CUZD1: variants seen among roughly 807,000 people sequenced by gnomAD.
CUZD1 encodes the protein CUB and zona pellucida like domains 1.
A neutral mutation model predicts 53.1 loss-of-function variants in CUZD1; 42 were observed. The observed-to-expected ratio is 0.79, with a 90% CI of 0.62 to 1.02. The LOEUF (loss-of-function observed/expected upper bound fraction) is 1.02. Ranked by LOEUF, CUZD1 falls within the 50% of genes least tolerant of loss-of-function variation. The pLI, the probability that CUZD1 is intolerant of heterozygous loss-of-function variation, is 0.00. For synonymous variants in CUZD1, 238 were observed against 257.2 expected (o/e 0.93, Z 0.71); for missense variants, 670 against 715.7 (o/e 0.94, Z 0.73).
At chr10:122,845,227 TCAC>T (rs1847417797) in intron 1 of CUZD1, among the ~76,000 whole-genome samples, 2 of 151,806 alleles carry the variant, frequency 1.3e-5, no homozygotes, top group African/African-American at 2.4e-5. Context: ...CAGGCACGCA[TCAC>T]CACACCTGGC....
At position 122,837,280 on chromosome 10, in the gene CUZD1, C is replaced by T. The variant is rs528035701; in HGVS notation, c.599+124G>A. On this transcript the variant is annotated intron_variant, in intron 4 of 8. Transcript: ENST00000392790. ...AATAGTATCACTGTTTTCCTTTCTA[C>T]ATCAATTCTTTGAAAAGTGCCCATA... is the stretch of plus-strand genomic sequence containing the variant. 88 of 1,040,630 alleles carry T rather than the reference C, an allele frequency of 8.5e-5. 1 individual carries two copies. In the South Asian group the frequency reaches 1.2e-3, roughly 14 times the overall value. The allele number at this position is 1,040,630 out of a possible 1,614,324, so 64.5% of individuals were successfully genotyped here. A position where few individuals can be genotyped will look rare whatever the true frequency, so the allele number is the denominator to read the frequency against.
intron 8 of CUZD1, 28 bp from the exon 9 acceptor site, chr10:122,832,478 C>T: frequency 6.2e-7 from 1 of 1,609,318 alleles, no homozygotes; most frequent in Non-Finnish European, 8.5e-7. Flanking sequence ...ATGAAAATCA[C>T]TTTTTAAGAA....
rs1344574065 is a variant in CUZD1, at chr10:122,841,309, G to T, written c.102C>A (p.Val34=). Residue 34 remains valine (V), a synonymous_variant, in exon 2 of 9, where the codon GTC becomes GTA. Coordinates refer to ENST00000392790, the MANE Select transcript of CUZD1 (RefSeq NM_022034.6). Reference sequence around the variant, plus strand: ...CTGCCATATTGGCACCCCCTAGACTGACTGTGCAGCTTGCATTGCCTGTTA... The same window carrying T: ...CTGCCATATTGGCACCCCCTAGACTTACTGTGCAGCTTGCATTGCCTGTTA... ...AEAEGNASCT[V]SLGGANMAET... 3.7e-6 allele frequency: 6 copies of T among 1,608,226 alleles called. No homozygotes were observed. The highest frequency in any genetic ancestry group is 5.1e-6 in the Non-Finnish European group (6 of 1,177,600).
At position 122,839,116 on chromosome 10, in the gene CUZD1, C is replaced by A; in HGVS notation, c.349G>T (p.Glu117Ter). Reference sequence around the variant, plus strand: ...AACGTCAATGTACTGGATGATGATTCAAATACAGGAACATAGTCGTTTTTA... The same window carrying A: ...AACGTCAATGTACTGGATGATGATTAAAATACAGGAACATAGTCGTTTTTA... ...CSKNDYVPVF[E>*]SSSSTLTFQI... is the part of the protein sequence containing the mutation. The change falls in exon 3 of 9, where the codon GAA becomes TAA. Residue 117 changes from glutamate (E) to a stop codon, truncating the protein, a stop_gained. Coordinates refer to ENST00000392790, the MANE Select transcript of CUZD1 (RefSeq NM_022034.6). LOFTEE classifies it high-confidence loss of function. The A allele has an allele frequency of 1.2e-6, 2 of 1,614,162 alleles. No homozygotes were observed. Among genetic ancestry groups the A allele is most frequent in the Non-Finnish European group, 8.5e-7 (1 of 1,179,990 alleles).
chr10:122,839,133 T>C lies in CUZD1; in HGVS notation c.332A>G (p.Asp111Gly), dbSNP rs1359443288. 6.2e-7 allele frequency: 1 copy of C among 1,614,150 alleles called. No homozygotes were observed. Among genetic ancestry groups the C allele is most frequent in the East Asian group, 2.2e-5 (1 of 44,892 alleles). The part of the protein sequence containing the change: ...PLLGQVCSKN[D>G]YVPVFESSSS... ...TGATGATTCAAATACAGGAACATAG[T>C]CGTTTTTACTGCAGACTTGCCCTAG... Residue 111 changes from aspartate (D) to glycine (G), a missense_variant, in exon 3 of 9, where the codon GAC becomes GGC. By Grantham distance (94) the Asp-to-Gly change is moderately conservative (BLOSUM62 -1). Transcript: ENST00000392790.
chr10:122,839,477 C>A (rs1484872032), intron 2 of CUZD1, among the ~76,000 whole-genome samples: 1 of 152,192 alleles, frequency 6.6e-6, no homozygotes, highest in Non-Finnish European at 1.5e-5. Context: ...GATGAGGATG[C>A]GCCTGGAATC....
chr10:122,841,079 C>T (rs1005731148), intron 2 of CUZD1, 99 bp downstream of exon 2: 6 of 1,151,672 alleles, frequency 5.2e-6, no homozygotes, highest in Non-Finnish European at 7.5e-6. Flanking sequence ...ACTACCACCT[C>T]TAGCAGCAGC....
chr10:122,839,073 G>A lies in CUZD1; in HGVS notation c.392C>T (p.Ser131Leu). 1 of 1,614,136 alleles carries A rather than the reference G, an allele frequency of 6.2e-7. No individual in the cohort carries two copies. Among genetic ancestry groups the A allele is most frequent in the East Asian group, 2.2e-5 (1 of 44,882 alleles). ...AAAGACAGTTCTTTGAATTCTTGCT[G>A]AGTCAGTAACTATTTGAAACGTCAA... The part of the protein sequence containing the change: ...STLTFQIVTD[S>L]ARIQRTVFVF... Residue 131 changes from serine (S) to leucine (L), a missense_variant, in exon 3 of 9, where the codon TCA (serine) becomes TTA (leucine). Physicochemically the swap from Ser to Leu is moderately radical, Grantham distance 145. Transcript: ENST00000392790.
intron 1 of CUZD1, among the ~76,000 whole-genome samples, chr10:122,844,576 C>G (rs191571030): frequency 6.6e-6 from 1 of 152,144 alleles, no homozygotes; most frequent in Admixed American, 6.5e-5. Flanking sequence ...AGTGAAATTA[C>G]CCGGTAAGGG....
At chr10:122,844,035 T>G (rs2950364) in intron 1 of CUZD1, among the ~76,000 whole-genome samples, 89,222 of 147,846 alleles carry the variant, frequency 0.6, 27,630 homozygotes, top group Non-Finnish European at 0.68. Context: ...TATATATATA[T>G]AGAGAGAGGG....
intron 2 of CUZD1, 104 bp from the exon 3 acceptor site, chr10:122,839,335 A>G (rs780362446): frequency 1.0e-6 from 1 of 981,602 alleles, no homozygotes; most frequent in Non-Finnish European, 1.6e-6. Flanking sequence ...AAGTGGTGGC[A>G]CATCTGTTTT....
In CUZD1 at chr10:122,836,964, G is replaced by C; in HGVS notation, c.684C>G (p.Val228=). 1 of 1,614,124 alleles carries C rather than the reference G, an allele frequency of 6.2e-7. No homozygotes were observed. The highest frequency in any genetic ancestry group is 8.5e-7 in the Non-Finnish European group (1 of 1,179,970). The change falls in exon 5 of 9, where the codon GTC becomes GTG. Residue 228 remains valine, a synonymous_variant. Transcript: ENST00000392790. ...CGAAGGTGGGAGTCACACGGCCACA[G>C]ACTTGTCCAATCAGGCCAGAGTTGG... ...PSTNSGLIGQ[V]CGRVTPTFES...
intron 5 of CUZD1, 77 bp from the exon 6 acceptor site, chr10:122,836,427 T>G: frequency 8.0e-7 from 1 of 1,246,064 alleles, no homozygotes; most frequent in Non-Finnish European, 1.1e-6. Flanking sequence ...GAGCTACGTG[T>G]GCAAGTAAAT....
intron 2 of CUZD1, among the ~76,000 whole-genome samples, chr10:122,840,088 C>A (rs1322526329): frequency 6.6e-6 from 1 of 152,208 alleles, no homozygotes; most frequent in Non-Finnish European, 1.5e-5. Flanking sequence ...CCCACAATTT[C>A]TCTTCCCCTC....
rs777085460 is a variant in CUZD1, at chr10:122,836,347, G to T, written c.821C>A (p.Ser274Tyr). ...SIYAENINTT[S>Y]LTCSSDRMRV... The stretch of plus-strand genomic sequence containing the variant: ...CATCCTGTCAGAAGAGCAAGTTAAA[G>T]ATGCTGTCAGGAAAAAAAAAAAAAA... The change falls in exon 6 of 9, where the codon TCT (serine) becomes TAT (tyrosine). Residue 274 changes from serine (S) to tyrosine (Y), a missense_variant. By Grantham distance (144) the Ser-to-Tyr change is moderately radical. Transcript: ENST00000392790. 3.5e-6 allele frequency: 5 copies of T among 1,434,018 alleles called. No individual in the cohort carries two copies. In the South Asian group the frequency reaches 4.2e-5, roughly 12 times the overall value. The allele number at this position is 1,434,018 out of a possible 1,614,324, so 88.8% of individuals were successfully genotyped here.
chr10:122,833,564 G>A, intron 8 of CUZD1, 108 bp downstream of exon 8: 2 of 1,187,846 alleles, frequency 1.7e-6, no homozygotes, highest in East Asian at 2.3e-5. Context: ...ATTTGCTAAA[G>A]CTACTATTAT....
chr10:122,834,054 G>C, intron 7 of CUZD1, 114 bp from the exon 8 acceptor site: 1 of 876,134 alleles, frequency 1.1e-6, no homozygotes, highest in Non-Finnish European at 1.8e-6. Flanking sequence ...TCAAAAGACT[G>C]TCTCTAGTTC....
chr10:122,833,848 C>G lies in CUZD1; in HGVS notation c.1475G>C (p.Ser492Thr), dbSNP rs1029805820. The G allele has an allele frequency of 1.9e-6, 3 of 1,614,026 alleles. No individual in the cohort carries two copies. Among genetic ancestry groups the G allele is most frequent in the Non-Finnish European group, 2.5e-6 (3 of 1,179,958 alleles). The change falls in exon 8 of 9, where the codon AGC becomes ACC. Residue 492 changes from serine (S) to threonine (T), a missense_variant. Ser to Thr is a moderately conservative substitution (Grantham distance 58, BLOSUM62 1). Transcript: ENST00000392790. ...AACTTTACACTGCAGATACACAGAGCTCATACTTCTCAAGAATTTAAAGGC... is the reference window on the plus strand; with the variant it reads ...AACTTTACACTGCAGATACACAGAGGTCATACTTCTCAAGAATTTAAAGGC... Reference protein sequence around the residue: ...FNAFKFLRSMSSVYLQCKVLI... With the variant: ...FNAFKFLRSMTSVYLQCKVLI...
chr10:122,839,756 G>A (rs1431701919), intron 2 of CUZD1, among the ~76,000 whole-genome samples: 1 of 152,164 alleles, frequency 6.6e-6, no homozygotes, highest in Non-Finnish European at 1.5e-5. Context: ...GGACAGCCCA[G>A]GGTTGTAGTT....
Sources: gnomAD v4.1 joint callset for allele counts (sites outside exome capture counted in the v4.1 genomes callset) on GRCh38, gnomAD v4.1.1 for gene constraint, MANE v1.5 for transcripts, NCBI Gene and HGNC (gene_info 2026-07-23, HGNC 2026-07-21) for gene names.